ZNF385B: variants seen among roughly 807,000 people sequenced by gnomAD.
ZNF385B encodes zinc finger protein 533.
Under a neutral mutation model 39.2 loss-of-function variants are expected in ZNF385B, and 23 were observed. The observed-to-expected ratio is 0.59, with a 90% CI of 0.42 to 0.83. The LOEUF is 0.83. Ranked by LOEUF, ZNF385B falls within the 40% of genes least tolerant of loss-of-function variation. The probability of loss-of-function intolerance (pLI) is 0.00; values close to 1 mark genes in which losing one functional copy is unlikely to be tolerated. For missense variants in ZNF385B, 552 were observed against 598.9 expected, an observed-to-expected ratio of 0.92 and a Z score of 0.82; for synonymous variants, 205 against 222.6, an observed-to-expected ratio of 0.92 and a Z score of 0.70.
intron 3 of ZNF385B, among the ~76,000 whole-genome samples, chr2:179,767,092 G>T (rs1703746229): frequency 6.6e-6 from 1 of 152,170 alleles, no homozygotes; most frequent in African/African-American, 2.4e-5. Context: ...AACACAGTGT[G>T]GAAGAAAGAG....
intron 4 of ZNF385B, among the ~76,000 whole-genome samples, chr2:179,520,212 G>A (rs2105811142): frequency 6.6e-6 from 1 of 151,744 alleles, no homozygotes; most frequent in Non-Finnish European, 1.5e-5. Flanking sequence ...TGGAGAGATA[G>A]CCTAACTATA....
intron 6 of ZNF385B, among the ~76,000 whole-genome samples, chr2:179,473,276 G>A (rs2053004050): frequency 1.3e-5 from 2 of 152,160 alleles, no homozygotes; most frequent in Admixed American, 1.3e-4. Context: ...TAATTACTAT[G>A]AGGCAAGAAA....
intron 3 of ZNF385B, among the ~76,000 whole-genome samples, chr2:179,669,445 A>G (rs1695619557): frequency 6.6e-6 from 1 of 152,206 alleles, no homozygotes; most frequent in South Asian, 2.1e-4. Context: ...CAGCATATTT[A>G]AAATTCCCAG....
At chr2:179,569,308 T>C (rs1051351785) in intron 3 of ZNF385B, among the ~76,000 whole-genome samples, 1 of 152,146 alleles carries the variant, frequency 6.6e-6, no homozygotes, top group Admixed American at 6.6e-5. Context: ...ACAAGAAAAA[T>C]TGCTTATCAG....
At chr2:179,502,434 G>T (rs912930430) in intron 5 of ZNF385B, among the ~76,000 whole-genome samples, 1 of 152,158 alleles carries the variant, frequency 6.6e-6, no homozygotes, top group Middle Eastern at 3.2e-3. Flanking sequence ...AATGGGAGGT[G>T]ATTGAATCTT....
At chr2:179,646,109 A>G (rs1430104206) in intron 3 of ZNF385B, among the ~76,000 whole-genome samples, 1 of 152,152 alleles carries the variant, frequency 6.6e-6, no homozygotes, top group Non-Finnish European at 1.5e-5. Flanking sequence ...ATGCTGCCAG[A>G]GTGATCTTTT....
At chr2:179,676,445 C>T (rs774403862) in intron 3 of ZNF385B, among the ~76,000 whole-genome samples, 38 of 152,136 alleles carry the variant, frequency 2.5e-4, no homozygotes, top group Non-Finnish European at 4.7e-4. Context: ...AGGATGGTCT[C>T]GATCTCCTGA....
chr2:179,719,435 A>G (rs998415176), intron 3 of ZNF385B, among the ~76,000 whole-genome samples: 2 of 152,166 alleles, frequency 1.3e-5, no homozygotes, highest in Non-Finnish European at 2.9e-5. Context: ...CCCTCTTTGT[A>G]AGCTGACATT....
At chr2:179,821,961 C>T (rs1707422785) in intron 1 of ZNF385B, among the ~76,000 whole-genome samples, 1 of 152,150 alleles carries the variant, frequency 6.6e-6, no homozygotes, top group African/African-American at 2.4e-5. Flanking sequence ...GCTTAAAATT[C>T]ACTATGTTCT....
chr2:179,809,571 C>A (rs1259646038), intron 1 of ZNF385B, among the ~76,000 whole-genome samples: 1 of 152,008 alleles, frequency 6.6e-6, no homozygotes, highest in African/African-American at 2.4e-5. Context: ...AAAATTTAAT[C>A]ATAGATTCAA....
At chr2:179,752,886 C>G (rs1387205492) in intron 3 of ZNF385B, among the ~76,000 whole-genome samples, 1 of 152,036 alleles carries the variant, frequency 6.6e-6, no homozygotes, top group Non-Finnish European at 1.5e-5. Context: ...TGTGGGTTGC[C>G]TATTCACTCT....
intron 3 of ZNF385B, among the ~76,000 whole-genome samples, chr2:179,635,796 T>C (rs985506742): frequency 6.6e-6 from 1 of 152,128 alleles, no homozygotes; most frequent in African/African-American, 2.4e-5. Context: ...TCTTTAAAGA[T>C]ATGAGAAAGA....
chr2:179,807,756 G>T (rs925558891), intron 1 of ZNF385B, among the ~76,000 whole-genome samples: 1 of 151,674 alleles, frequency 6.6e-6, no homozygotes, highest in Non-Finnish European at 1.5e-5. Context: ...TTAGCTGGGC[G>T]TGGTGGCAGG....
chr2:179,694,981 G>GAGGAGT (rs1559098812), intron 3 of ZNF385B, among the ~76,000 whole-genome samples: 1 of 151,484 alleles, frequency 6.6e-6, no homozygotes, highest in African/African-American at 2.4e-5. Flanking sequence ...GGAGGAGGAG[G>GAGGAGT]AGGAGGAGAA....
chr2:179,465,071 T>C lies in ZNF385B; in HGVS notation c.715+18201A>G, dbSNP rs1044910754. Among the ~76,000 whole-genome samples, 3 of 152,112 alleles carry C rather than the reference T, an allele frequency of 2.0e-5. No homozygotes were observed. The East Asian group carries it at 5.8e-4, about 29-fold the overall frequency. On this transcript the variant is annotated intron_variant, in intron 6 of 9. Transcript: ENST00000410066. ...CTTATCCTCCTGTCAAAGGCAAAGGTGTCTCTTCTGTCTTCTCTTGAACTG... is the reference window on the plus strand; with the variant it reads ...CTTATCCTCCTGTCAAAGGCAAAGGCGTCTCTTCTGTCTTCTCTTGAACTG...
chr2:179,797,555 T>C (rs1482933973), intron 1 of ZNF385B, among the ~76,000 whole-genome samples: 1 of 152,210 alleles, frequency 6.6e-6, no homozygotes, highest in African/African-American at 2.4e-5. Context: ...TGATATGTCT[T>C]TTAAGACTAT....
Position 179,554,353 on chromosome 2 carries a change from T to C in ZNF385B, c.299-9384A>G, listed in dbSNP as rs917910215. 1.3e-4 allele frequency among the ~76,000 whole-genome samples: 20 copies of C among 149,482 alleles called. 1 individual carries two copies. The highest frequency in any genetic ancestry group is 4.0e-4 in the Admixed American group (6 of 15,014). On this transcript the variant is annotated intron_variant, in intron 3 of 9. Transcript: ENST00000410066. The stretch of plus-strand genomic sequence containing the variant: ...AATGTTTCGACAGATGAGATATCTC[T>C]TAAGATAAACTTTGAGGAATGGCTT...
At chr2:179,583,860 A>G (rs368711604) in intron 3 of ZNF385B, 2 of 1,276,924 alleles carry the variant, frequency 1.6e-6, no homozygotes. Flanking sequence ...GTGAAACCTC[A>G]GATCTTACTG....
intron 4 of ZNF385B, among the ~76,000 whole-genome samples, chr2:179,532,834 C>A (rs992322385): frequency 1.3e-5 from 2 of 152,156 alleles, no homozygotes; most frequent in Non-Finnish European, 2.9e-5. Context: ...TGGCAGTTAT[C>A]AAACCACTAC....
Sources: gnomAD v4.1 joint callset for allele counts (sites outside exome capture counted in the v4.1 genomes callset) on GRCh38, gnomAD v4.1.1 for gene constraint, MANE v1.5 for transcripts, NCBI Gene and HGNC (gene_info 2026-07-23, HGNC 2026-07-21) for gene names.